HAUS1: variants seen among roughly 807,000 people sequenced by gnomAD.
HAUS1 encodes HAUS augmin-like complex subunit 1.
A neutral mutation model predicts 38.6 loss-of-function variants in HAUS1; 25 were observed. The ratio of observed to expected loss-of-function variants is 0.65; its 90% CI spans 0.47 to 0.91. The LOEUF (loss-of-function observed/expected upper bound fraction) is 0.91. HAUS1 is among the 40% of genes least tolerant of loss of function. HAUS1 has a pLI of 0.00. For synonymous variants in HAUS1, 109 were observed against 112.9 expected (o/e 0.97, Z 0.22); for missense variants, 325 against 328.4 (o/e 0.99, Z 0.08).
intron 2 of HAUS1, among the ~76,000 whole-genome samples, chr18:46,113,581 G>A (rs1390226663): frequency 6.6e-6 from 1 of 151,806 alleles, no homozygotes; most frequent in Non-Finnish European, 1.5e-5. Flanking sequence ...CTTTAATTTG[G>A]TTTCCTTTAA....
intron 2 of HAUS1, among the ~76,000 whole-genome samples, chr18:46,112,361 A>G: frequency 8.3e-6 from 1 of 120,392 alleles, no homozygotes; most frequent in Non-Finnish European, 1.6e-5. Context: ...TATAATATAT[A>G]TAATGTGTAT....
chr18:46,105,586 G>A (rs911016490), intron 2 of HAUS1, among the ~76,000 whole-genome samples: 107 of 81,706 alleles, frequency 1.3e-3, no homozygotes, highest in African/African-American at 1.8e-3. Flanking sequence ...GTGTGTGTGT[G>A]TGTGTGTATA....
At chr18:46,120,503 G>A (rs2144261031) in intron 4 of HAUS1, among the ~76,000 whole-genome samples, 1 of 152,218 alleles carries the variant, frequency 6.6e-6, no homozygotes, top group South Asian at 2.1e-4. Context: ...CAAAGTGCTG[G>A]GATTACAGGC....
chr18:46,122,444 G>A (rs1568266309), intron 4 of HAUS1, 23 bp from the exon 5 acceptor site: 1 of 1,608,792 alleles, frequency 6.2e-7, no homozygotes, highest in South Asian at 1.1e-5. Context: ...AGAAGAAAAT[G>A]TTTTTAATTT....
chr18:46,118,578 T>G (rs1911855080), intron 3 of HAUS1: 1 of 333,386 alleles, frequency 3.0e-6, no homozygotes, highest in Non-Finnish European at 5.5e-6. Flanking sequence ...ATCACATTGT[T>G]CCCTGTGTAT....
intron 5 of HAUS1, 24 bp from the exon 6 acceptor site, chr18:46,123,275 A>G: frequency 1.3e-6 from 2 of 1,526,994 alleles, no homozygotes; most frequent in Non-Finnish European, 1.8e-6. Flanking sequence ...TTTTTAACTG[A>G]ACTCCTTTTT....
At chr18:46,118,425 C>A in intron 3 of HAUS1, 109 bp downstream of exon 3, 2 of 1,012,778 alleles carry the variant, frequency 2.0e-6, no homozygotes, top group Non-Finnish European at 2.9e-6. Flanking sequence ...AAATACAAAG[C>A]ACTGAATTTA....
At chr18:46,127,281 C>G (rs1292526865) in intron 8 of HAUS1, among the ~76,000 whole-genome samples, 1 of 151,854 alleles carries the variant, frequency 6.6e-6, no homozygotes, top group Non-Finnish European at 1.5e-5. Flanking sequence ...CAAAGCTATA[C>G]TTTTTGATCA....
intron 2 of HAUS1, among the ~76,000 whole-genome samples, chr18:46,112,986 A>ATT (rs71160716): frequency 1.2e-5 from 1 of 84,402 alleles, no homozygotes; most frequent in African/African-American, 4.9e-5. Flanking sequence ...TTATATATAT[A>ATT]ATATATATTC....
intron 2 of HAUS1, among the ~76,000 whole-genome samples, chr18:46,112,868 A>G (rs1367237449): frequency 9.3e-6 from 1 of 106,956 alleles, no homozygotes; most frequent in Non-Finnish European, 1.7e-5. Context: ...TTACATATAT[A>G]TAATATATAT....
chr18:46,120,846 A>G (rs1452224383), intron 4 of HAUS1, among the ~76,000 whole-genome samples: 1 of 152,022 alleles, frequency 6.6e-6, no homozygotes, highest in African/African-American at 2.4e-5. Context: ...TTGGCTTCCC[A>G]AAATGCTAGG....
At chr18:46,125,321 C>T (rs568963840) in intron 7 of HAUS1, among the ~76,000 whole-genome samples, 11 of 151,248 alleles carry the variant, frequency 7.3e-5, no homozygotes, top group South Asian at 2.1e-4. Context: ...GAGGCCGAGA[C>T]GGGCAGATCA....
chr18:46,126,992 G>A (rs1257696539), intron 8 of HAUS1, among the ~76,000 whole-genome samples: 2 of 151,788 alleles, frequency 1.3e-5, no homozygotes, highest in Non-Finnish European at 2.9e-5. Flanking sequence ...CTGCCACCAC[G>A]CCTGGCTAAT....
rs558020373 is a variant in HAUS1, at chr18:46,104,816, C to A, written c.30+375C>A. ...CAACACTGGGAGCCTCCCGGCGCGGCGGGGCTTCTGGTGATCGAGGGACAA... is the reference window on the plus strand; with the variant it reads ...CAACACTGGGAGCCTCCCGGCGCGGAGGGGCTTCTGGTGATCGAGGGACAA... On this transcript the variant is annotated intron_variant, in intron 1 of 8. Coordinates refer to ENST00000282058, the MANE Select transcript of HAUS1 (RefSeq NM_138443.4). Among the ~76,000 whole-genome samples the A allele has an allele frequency of 3.7e-3, 560 of 152,306 alleles. 5 individuals carry two copies. The highest frequency in any genetic ancestry group is 0.012 in the African/African-American group (512 of 41,576).
At chr18:46,121,062 T>C (rs1911925644) in intron 4 of HAUS1, among the ~76,000 whole-genome samples, 1 of 152,248 alleles carries the variant, frequency 6.6e-6, no homozygotes, top group Admixed American at 6.5e-5. Flanking sequence ...GATTAGGGCC[T>C]ATAGATCAGG....
intron 2 of HAUS1, chr18:46,106,878 G>A (rs1181414598): frequency 6.6e-6 from 1 of 152,012 alleles, no homozygotes; most frequent in Non-Finnish European, 1.5e-5. Flanking sequence ...AGCCAGGTGT[G>A]GTGGTATGTG....
chr18:46,119,358 G>A (rs376422991), intron 3 of HAUS1, among the ~76,000 whole-genome samples: 4 of 151,988 alleles, frequency 2.6e-5, no homozygotes, highest in Admixed American at 1.3e-4. Context: ...AATACCAGTT[G>A]TATGTTAGTT....
Position 46,104,410 on chromosome 18 carries a change from C to A in HAUS1, c.-2C>A. 1 of 1,458,766 alleles carries A rather than the reference C, an allele frequency of 6.9e-7. No homozygotes were observed. The highest frequency in any genetic ancestry group is 2.9e-5 in the East Asian group (1 of 34,734). 90.4% of individuals were successfully genotyped at this position (1,458,766 alleles called of 1,614,324 possible). On this transcript the variant is annotated 5_prime_UTR_variant, in exon 1 of 9. Transcript: ENST00000282058. ...CCTAGTAAAGTGGCGGGAGCCGCAG[C>A]TATGGAGCCGCAGGAGGAGAGAGAA...
chr18:46,106,391 C>A (rs1911481672), intron 2 of HAUS1, among the ~76,000 whole-genome samples: 1 of 151,914 alleles, frequency 6.6e-6, no homozygotes, highest in Admixed American at 6.6e-5. Context: ...ATGGCGTGAT[C>A]CCAGGAGGCG....
Sources: gnomAD v4.1 joint callset for allele counts (sites outside exome capture counted in the v4.1 genomes callset) on GRCh38, gnomAD v4.1.1 for gene constraint, MANE v1.5 for transcripts, NCBI Gene and HGNC (gene_info 2026-07-23, HGNC 2026-07-21) for gene names.